METTL8: variants seen among roughly 807,000 people sequenced by gnomAD.
METTL8 encodes the protein tRNA N(3)-cytidine methyltransferase METTL8, mitochondrial.
A neutral mutation model predicts 48.7 loss-of-function variants in METTL8; 32 were observed. The ratio of observed to expected loss-of-function variants is 0.66; its 90% CI spans 0.50 to 0.88. METTL8 has a LOEUF of 0.88. Ranked by LOEUF, METTL8 falls within the 40% of genes least tolerant of loss-of-function variation. The probability of loss-of-function intolerance (pLI) is 0.00; values close to 1 mark genes in which losing one functional copy is unlikely to be tolerated. For synonymous variants in METTL8, 136 were observed against 157.1 expected (o/e 0.87, Z 1.01); for missense variants, 464 against 474.4 (o/e 0.98, Z 0.20).
At chr2:171,339,748 T>A (rs761374017) in intron 3 of METTL8, among the ~76,000 whole-genome samples, 194 bp from the exon 4 acceptor site, 1 of 152,192 alleles carries the variant, frequency 6.6e-6, no homozygotes, top group Non-Finnish European at 1.5e-5. Flanking sequence ...TCTCTCAAAA[T>A]GTGTCAAAAT....
chr2:171,424,870 G>A (rs184470097), intron 1 of METTL8, among the ~76,000 whole-genome samples: 51 of 152,278 alleles, frequency 3.3e-4, no homozygotes, highest in African/African-American at 1.1e-3. Flanking sequence ...GCCAGGGGCA[G>A]AATGATATGG....
At chr2:171,344,294 A>C (rs569515530) in intron 3 of METTL8, among the ~76,000 whole-genome samples, 1 of 152,310 alleles carries the variant, frequency 6.6e-6, no homozygotes, top group African/African-American at 2.4e-5. Context: ...AATTTCCCCA[A>C]GGTCACCCAG....
intron 1 of METTL8, among the ~76,000 whole-genome samples, chr2:171,402,691 T>C (rs1459638395): frequency 2.0e-5 from 3 of 152,142 alleles, no homozygotes; most frequent in African/African-American, 7.2e-5. Flanking sequence ...GCACACCCAG[T>C]ACCCAGATCT....
At chr2:171,426,466 T>C (rs568785800) in intron 1 of METTL8, among the ~76,000 whole-genome samples, 3 of 152,360 alleles carry the variant, frequency 2.0e-5, no homozygotes, top group Non-Finnish European at 2.9e-5. Flanking sequence ...ATATTCTGTT[T>C]ATTTTTAAGT....
chr2:171,433,865 G>A lies in METTL8; in HGVS notation c.-13+18C>T, dbSNP rs1693472551. ...CCCTCAGCCAACATGCGGCTGAAGG[G>A]AAAGCCGCGGGGCGTACCTTTAGCA... On this transcript the variant is annotated intron_variant, in intron 1 of 9. Transcript: ENST00000375258. The A allele has an allele frequency of 6.4e-6, 1 of 155,590 alleles. No individual in the cohort carries two copies. The highest frequency in any genetic ancestry group is 1.4e-5 in the Non-Finnish European group (1 of 70,310). The allele number at this position is 155,590 out of a possible 1,614,324, so 9.6% of individuals were successfully genotyped here. A position where few individuals can be genotyped will look rare whatever the true frequency, so the allele number is the denominator to read the frequency against.
At chr2:171,391,678 G>C (rs184183874) in intron 2 of METTL8, among the ~76,000 whole-genome samples, 1 of 152,268 alleles carries the variant, frequency 6.6e-6, no homozygotes, top group Admixed American at 6.5e-5. Flanking sequence ...ATCTGCATTT[G>C]CTGGATGACA....
chr2:171,324,964 C>T lies in METTL8; in HGVS notation c.1034-602G>A, dbSNP rs117045772. Among the ~76,000 whole-genome samples the T allele has an allele frequency of 1.9e-3, 281 of 151,684 alleles. 7 individuals are homozygous for T. In the East Asian group the frequency reaches 0.028, roughly 15 times the overall value. On this transcript the variant is annotated intron_variant, in intron 9 of 9. Transcript: ENST00000375258. The stretch of plus-strand genomic sequence containing the variant: ...AATAAAAATACAAAAATTACCTAGG[C>T]GTGGAGGTAGGTAATCTCAGCTACT...
At chr2:171,402,176 G>C (rs551050398) in intron 1 of METTL8, among the ~76,000 whole-genome samples, 1 of 152,248 alleles carries the variant, frequency 6.6e-6, no homozygotes, top group South Asian at 2.1e-4. Context: ...AAGGGTAAAA[G>C]CCAGGGAATT....
chr2:171,361,892 C>T (rs1685204439), intron 2 of METTL8, among the ~76,000 whole-genome samples: 2 of 152,136 alleles, frequency 1.3e-5, no homozygotes, highest in African/African-American at 4.8e-5. Context: ...ACATGCATGG[C>T]TAGCACCTGA....
In METTL8 at chr2:171,319,455, G is replaced by T. The variant is rs143836469; in HGVS notation, c.*4717C>A. ...GCTTCAGGACTTTGATGAGTTGGAAGTTTTGGGGTTTAACAATCCAGATGG... is the reference window on the plus strand; with the variant it reads ...GCTTCAGGACTTTGATGAGTTGGAATTTTTGGGGTTTAACAATCCAGATGG... On this transcript the variant is annotated 3_prime_UTR_variant, in exon 10 of 10. Coordinates refer to ENST00000375258, the MANE Select transcript of METTL8 (RefSeq NM_001321154.2). 2.0e-5 allele frequency: 3 copies of T among 152,358 alleles called. No individual in the cohort carries two copies. The East Asian group carries it at 5.8e-4, about 29-fold the overall frequency. 9.4% of individuals were successfully genotyped at this position (152,358 alleles called of 1,614,324 possible).
intron 1 of METTL8, among the ~76,000 whole-genome samples, chr2:171,424,572 T>C (rs1253563823): frequency 1.3e-5 from 2 of 152,260 alleles, no homozygotes; most frequent in South Asian, 4.1e-4. Flanking sequence ...TAAGGTTTAA[T>C]GACTGCTCTA....
chr2:171,326,569 A>G (rs1054380452), intron 7 of METTL8, among the ~76,000 whole-genome samples: 1 of 152,234 alleles, frequency 6.6e-6, no homozygotes, highest in Non-Finnish European at 1.5e-5. Flanking sequence ...CTAAAGAGGG[A>G]ATATCTTTCC....
intron 1 of METTL8, among the ~76,000 whole-genome samples, chr2:171,393,060 T>C (rs1574109605): frequency 6.6e-6 from 1 of 152,084 alleles, no homozygotes; most frequent in East Asian, 1.9e-4. Flanking sequence ...GCCGAGATTG[T>C]GTCATTGCAC....
intron 3 of METTL8, among the ~76,000 whole-genome samples, chr2:171,347,827 C>T (rs937115319): frequency 2.0e-5 from 3 of 152,178 alleles, no homozygotes; most frequent in African/African-American, 7.2e-5. Flanking sequence ...ACCCTCGAAT[C>T]CAACCCTAAT....
At chr2:171,336,308 G>A (rs1375976832) in intron 5 of METTL8, among the ~76,000 whole-genome samples, 1 of 150,544 alleles carries the variant, frequency 6.6e-6, no homozygotes, top group Admixed American at 6.7e-5. Flanking sequence ...TGTTGGCCAG[G>A]CTGGTCTCGA....
chr2:171,349,576 T>G (rs1412012086), intron 3 of METTL8, among the ~76,000 whole-genome samples: 1 of 152,234 alleles, frequency 6.6e-6, no homozygotes, highest in Non-Finnish European at 1.5e-5. Flanking sequence ...GATGGGCATT[T>G]TAGGGTACTT....
At chr2:171,342,135 C>A (rs1686839881) in intron 3 of METTL8, among the ~76,000 whole-genome samples, 1 of 152,232 alleles carries the variant, frequency 6.6e-6, no homozygotes, top group Non-Finnish European at 1.5e-5. Flanking sequence ...TGTTACAGAA[C>A]CCTGTCCTGA....
At chr2:171,400,279 T>G (rs1689518849) in intron 1 of METTL8, among the ~76,000 whole-genome samples, 1 of 152,156 alleles carries the variant, frequency 6.6e-6, no homozygotes, top group African/African-American at 2.4e-5. Flanking sequence ...TTTTGGATGT[T>G]TTTGTTTTTG....
chr2:171,356,952 A>ATGTTTTTTTTTTTTTTTTTTTTTT lies in METTL8; in HGVS notation c.235+3469_235+3470insAAAAAAAAAAAAAAAAAAAAAACA. Among the ~76,000 whole-genome samples the ATGTTTTTTTTTTTTTTTTTTTTTT allele has an allele frequency of 1.8e-4, 14 of 78,488 alleles. 4 individuals are homozygous for ATGTTTTTTTTTTTTTTTTTTTTTT. The highest frequency in any genetic ancestry group is 2.2e-4 in the African/African-American group (5 of 22,476). 51.5% of individuals were successfully genotyped at this position (78,488 alleles called of 152,430 possible). A position where few individuals can be genotyped will look rare whatever the true frequency, so the allele number is the denominator to read the frequency against. ...CAAATTAGCCTTGTTCAAAGACAAT[A>ATGTTTTTTTTTTTTTTTTTTTTTT]TTTTTTTTTTTTTTTTTGAGACAGG... is the stretch of plus-strand genomic sequence containing the variant. On this transcript the variant is annotated intron_variant, in intron 3 of 9. Transcript: ENST00000375258.
Sources: allele counts gnomAD v4.1 joint callset (sites outside exome capture counted in the v4.1 genomes callset), GRCh38; gene constraint gnomAD v4.1.1; transcripts MANE v1.5; gene names NCBI Gene and HGNC (gene_info 2026-07-23, HGNC 2026-07-21).